The following TUNAR variants were observed in gnomAD, a reference collection of about 807,000 sequenced individuals.
The protein encoded by TUNAR is transmembrane neural differentiation associated intracellular calcium regulator.
At chr14:95,907,654 G>C (rs531431819) in intron 2 of TUNAR, among the ~76,000 whole-genome samples, 1 of 152,288 alleles carries the variant, frequency 6.6e-6, no homozygotes, top group South Asian at 2.1e-4. Context: ...TCTGCAATGG[G>C]TAGCTCCTCT....
chr14:95,894,234 A>G (rs888671116), intron 2 of TUNAR, among the ~76,000 whole-genome samples: 1 of 152,216 alleles, frequency 6.6e-6, no homozygotes, highest in Non-Finnish European at 1.5e-5. Flanking sequence ...TCTCCTTTCA[A>G]TGAAAAATGC....
chr14:95,896,820 G>A (rs1698296073), intron 2 of TUNAR, among the ~76,000 whole-genome samples: 1 of 152,216 alleles, frequency 6.6e-6, no homozygotes, highest in African/African-American at 2.4e-5. Flanking sequence ...GGAATGCAAA[G>A]GGCAGGGTCT....
intron 2 of TUNAR, among the ~76,000 whole-genome samples, chr14:95,917,533 A>G (rs1555376893): frequency 6.6e-6 from 1 of 152,208 alleles, no homozygotes; most frequent in Non-Finnish European, 1.5e-5. Flanking sequence ...AACCCCATAG[A>G]CATTTTGACT....
chr14:95,905,832 GAAC>G (rs1388785067), intron 2 of TUNAR, among the ~76,000 whole-genome samples: 1 of 152,042 alleles, frequency 6.6e-6, no homozygotes, highest in Non-Finnish European at 1.5e-5. Context: ...TTATTTATTG[GAAC>G]TCTACTGTAA....
intron 2 of TUNAR, among the ~76,000 whole-genome samples, chr14:95,891,926 C>T (rs2139657447): frequency 6.6e-6 from 1 of 152,356 alleles, no homozygotes. Context: ...CCAGCCTCTG[C>T]CCCGTCTTCC....
intron 2 of TUNAR, among the ~76,000 whole-genome samples, chr14:95,906,905 T>C (rs60353260): frequency 0.26 from 39,437 of 152,148 alleles, 7,841 homozygotes; most frequent in African/African-American, 0.55. Context: ...CCCTTTCTCT[T>C]CCACCACCTC....
At chr14:95,903,694 T>C (rs1351313077) in intron 2 of TUNAR, among the ~76,000 whole-genome samples, 4 of 152,170 alleles carry the variant, frequency 2.6e-5, no homozygotes, top group African/African-American at 9.7e-5. Context: ...CAGAAGGTCG[T>C]TATTATCTCA....
chr14:95,896,973 T>C (rs1194069975), intron 2 of TUNAR, among the ~76,000 whole-genome samples: 2 of 152,248 alleles, frequency 1.3e-5, no homozygotes, highest in Non-Finnish European at 2.9e-5. Context: ...GATTCGGGCT[T>C]GCGTTGGAAT....
chr14:95,902,033 C>T (rs923115356), intron 2 of TUNAR, among the ~76,000 whole-genome samples: 1 of 152,108 alleles, frequency 6.6e-6, no homozygotes, highest in African/African-American at 2.4e-5. Context: ...AGGATGTTCA[C>T]ATCCTTTAGT....
At chr14:95,900,167 A>C (rs114131027) in intron 2 of TUNAR, among the ~76,000 whole-genome samples, 303 of 152,342 alleles carry the variant, frequency 2.0e-3, no homozygotes, top group African/African-American at 6.8e-3. Flanking sequence ...CGATGCTTAA[A>C]TACAAGAGGT....
At chr14:95,902,658 G>A (rs1178524570) in intron 2 of TUNAR, among the ~76,000 whole-genome samples, 2 of 152,282 alleles carry the variant, frequency 1.3e-5, no homozygotes, top group East Asian at 1.9e-4. Flanking sequence ...TCAAGTGCTG[G>A]GTAATCATGG....
intron 2 of TUNAR, among the ~76,000 whole-genome samples, chr14:95,896,677 C>T (rs1349779722): frequency 6.6e-6 from 1 of 152,206 alleles, no homozygotes. Flanking sequence ...AGTTTGAATC[C>T]CACTTGCAAG....
intron 2 of TUNAR, among the ~76,000 whole-genome samples, chr14:95,918,295 G>A (rs1889638089): frequency 6.6e-6 from 1 of 152,156 alleles, no homozygotes; most frequent in Non-Finnish European, 1.5e-5. Context: ...ATTTTAAAAT[G>A]TGCTGTTATT....
chr14:95,908,948 G>C (rs905696536), intron 2 of TUNAR, among the ~76,000 whole-genome samples: 1 of 152,142 alleles, frequency 6.6e-6, no homozygotes, highest in South Asian at 2.1e-4. Context: ...GCAGGTAGGC[G>C]GGGGGTGACG....
At chr14:95,879,269 G>C (rs1888939567) in intron 2 of TUNAR, among the ~76,000 whole-genome samples, 1 of 152,192 alleles carries the variant, frequency 6.6e-6, no homozygotes, top group African/African-American at 2.4e-5. Flanking sequence ...CTTTTTCCCA[G>C]AAACTCGGCT....
At chr14:95,915,033 C>A (rs1889579103) in intron 2 of TUNAR, among the ~76,000 whole-genome samples, 1 of 152,184 alleles carries the variant, frequency 6.6e-6, no homozygotes, top group Admixed American at 6.5e-5. Context: ...AAGCAAAGGG[C>A]TTTCCTGACT....
intron 2 of TUNAR, among the ~76,000 whole-genome samples, chr14:95,891,443 C>G (rs933979090): frequency 1.3e-5 from 2 of 152,180 alleles, no homozygotes; most frequent in African/African-American, 4.8e-5. Flanking sequence ...TATAAAACCC[C>G]TTCGGGGGCA....
At chr14:95,887,177 T>TA (rs1039397130) in intron 2 of TUNAR, among the ~76,000 whole-genome samples, 4 of 152,324 alleles carry the variant, frequency 2.6e-5, no homozygotes, top group African/African-American at 9.6e-5. Flanking sequence ...AGTGCACACT[T>TA]ACGTACATAC....
At chr14:95,915,737 C>T (rs1472072371) in intron 2 of TUNAR, among the ~76,000 whole-genome samples, 2 of 152,230 alleles carry the variant, frequency 1.3e-5, no homozygotes, top group African/African-American at 4.8e-5. Context: ...ACTGTATACT[C>T]GTGGTTTATT....
Sources: gnomAD v4.1 joint callset for allele counts (sites outside exome capture counted in the v4.1 genomes callset) on GRCh38, gnomAD v4.1.1 for gene constraint, MANE v1.5 for transcripts, NCBI Gene and HGNC (gene_info 2026-07-23, HGNC 2026-07-21) for gene names.